AKAP19: variants seen among roughly 807,000 people sequenced by gnomAD.
AKAP19 encodes small A-kinase anchoring protein.
At chr2:190,156,123 AG>A in the AKAP19 span, among the ~76,000 whole-genome samples, 3 of 152,174 alleles carry the variant, frequency 2.0e-5, no homozygotes, top group African/African-American at 7.2e-5. Context: ...GCTTAAAAAA[AG>A]ATAAGTCAGA....
the AKAP19 span, among the ~76,000 whole-genome samples, chr2:190,036,159 C>T: frequency 1.3e-5 from 2 of 152,208 alleles, no homozygotes; most frequent in South Asian, 4.2e-4. Flanking sequence ...ATTTTTATTA[C>T]TCAAGGCAAA....
At chr2:189,924,769 T>A in the AKAP19 span, among the ~76,000 whole-genome samples, 2 of 152,136 alleles carry the variant, frequency 1.3e-5, no homozygotes, top group Non-Finnish European at 2.9e-5. Context: ...TAATTAGTGT[T>A]ATAGTCTTAA....
the AKAP19 span, among the ~76,000 whole-genome samples, chr2:189,967,802 G>A: frequency 6.6e-6 from 1 of 151,156 alleles, no homozygotes; most frequent in African/African-American, 2.4e-5. Flanking sequence ...TCCAGTCTGG[G>A]CAACATAATG....
At chr2:190,073,762 C>T in the AKAP19 span, among the ~76,000 whole-genome samples, 1 of 151,820 alleles carries the variant, frequency 6.6e-6, no homozygotes, top group Non-Finnish European at 1.5e-5. Flanking sequence ...AAAAAAACTG[C>T]AGATATCGGC....
the AKAP19 span, among the ~76,000 whole-genome samples, chr2:189,929,248 A>G: frequency 6.6e-6 from 1 of 152,170 alleles, no homozygotes; most frequent in East Asian, 1.9e-4. Context: ...TAACCTCAGC[A>G]TTACAGTAAT....
At chr2:190,180,675 C>A in the AKAP19 span, 1 of 985,570 alleles carries the variant, frequency 1.0e-6, no homozygotes, top group Non-Finnish European at 1.2e-6. The surrounding 1 kb of genome is among the most constrained non-coding windows in gnomAD (Gnocchi z 6.8). Context: ...AGTATCGAGG[C>A]AACCCTCTGC....
the AKAP19 span, among the ~76,000 whole-genome samples, chr2:190,073,425 A>G: frequency 8.5e-5 from 13 of 152,298 alleles, no homozygotes; most frequent in Non-Finnish European, 1.6e-4. Flanking sequence ...AGTAAAGGGC[A>G]AATAGAATTA....
the AKAP19 span, among the ~76,000 whole-genome samples, chr2:190,049,791 G>A: frequency 6.6e-6 from 1 of 152,192 alleles, no homozygotes; most frequent in African/African-American, 2.4e-5. Context: ...GTTATTTACA[G>A]CTGAATGTAT....
the AKAP19 span, among the ~76,000 whole-genome samples, chr2:189,966,014 G>T: frequency 1.3e-5 from 2 of 152,076 alleles, no homozygotes; most frequent in Admixed American, 1.3e-4. Context: ...GCCATAAAAA[G>T]GAATGAATTA....
the AKAP19 span, among the ~76,000 whole-genome samples, chr2:190,083,873 T>G: frequency 8.5e-5 from 13 of 152,272 alleles, no homozygotes; most frequent in East Asian, 2.1e-3. Flanking sequence ...TTTCTCACTC[T>G]TAAAACAATT....
the AKAP19 span, among the ~76,000 whole-genome samples, chr2:189,918,426 C>T: frequency 6.6e-6 from 1 of 152,072 alleles, no homozygotes; most frequent in Middle Eastern, 3.2e-3. Context: ...TGATTCTCAA[C>T]ATCCAGTAAA....
At chr2:189,889,562 C>CT in the AKAP19 span, among the ~76,000 whole-genome samples, 1 of 152,006 alleles carries the variant, frequency 6.6e-6, no homozygotes, top group Non-Finnish European at 1.5e-5. Flanking sequence ...TGGTCCTGGG[C>CT]TTTTTTTGGT....
chr2:189,953,083 C>T, the AKAP19 span, among the ~76,000 whole-genome samples: 5 of 148,038 alleles, frequency 3.4e-5, no homozygotes, highest in Non-Finnish European at 7.4e-5. Flanking sequence ...AATTTTGGTG[C>T]CTATTGTTAA....
the AKAP19 span, among the ~76,000 whole-genome samples, chr2:189,973,641 A>G: frequency 2.6e-5 from 4 of 152,116 alleles, no homozygotes; most frequent in East Asian, 7.7e-4. Context: ...GTAGGCTATT[A>G]AGTATTGCCT....
At chr2:189,966,507 T>G in the AKAP19 span, among the ~76,000 whole-genome samples, 80 of 152,266 alleles carry the variant, frequency 5.3e-4, no homozygotes, top group Non-Finnish European at 1.0e-3. Context: ...GAAGAACAGA[T>G]TAGTGGTCAC....
the AKAP19 span, among the ~76,000 whole-genome samples, chr2:189,947,177 G>C: frequency 6.6e-6 from 1 of 152,148 alleles, no homozygotes; most frequent in East Asian, 1.9e-4. Flanking sequence ...TGCACTATTA[G>C]ACCCAACAAT....
At chr2:190,082,611 C>T in the AKAP19 span, among the ~76,000 whole-genome samples, 1 of 152,158 alleles carries the variant, frequency 6.6e-6, no homozygotes, top group African/African-American at 2.4e-5. Flanking sequence ...TTTACTAGTA[C>T]AGCTGGATTG....
the AKAP19 span, among the ~76,000 whole-genome samples, chr2:189,949,537 A>G: frequency 7.3e-6 from 1 of 137,030 alleles, no homozygotes; most frequent in Non-Finnish European, 1.6e-5. Flanking sequence ...AGAAATCCAG[A>G]TATAAGTGGA....
the AKAP19 span, among the ~76,000 whole-genome samples, chr2:190,036,919 C>A: frequency 2.0e-5 from 3 of 152,204 alleles, no homozygotes; most frequent in Admixed American, 2.0e-4. Context: ...AGGAATTACT[C>A]TATGCTACTA....
Sources: gnomAD v4.1 joint callset for allele counts (sites outside exome capture counted in the v4.1 genomes callset) on GRCh38, gnomAD v4.1.1 for gene constraint, Gnocchi (gnomAD v3.1) non-coding constraint, MANE v1.5 for transcripts, NCBI Gene and HGNC (gene_info 2026-07-23, HGNC 2026-07-21) for gene names.